The following MAST4 variants were observed in gnomAD, a reference collection of about 807,000 sequenced individuals.
MAST4 encodes microtubule associated serine/threonine kinase family member 4.
MAST4 carries 89 observed loss-of-function variants against 162.7 expected under a neutral mutation model. The ratio of observed to expected loss-of-function variants is 0.55; its 90% CI spans 0.46 to 0.65. MAST4 has a LOEUF of 0.65. Among genes scored for constraint, MAST4 ranks in the 30% least tolerant of loss-of-function variants. MAST4 has a pLI of 0.00. For synonymous variants in MAST4, 1,479 were observed against 1,361.1 expected (o/e 1.09, Z -1.91); for missense variants, 3,153 against 3,374.0 (o/e 0.93, Z 1.62).
chr5:66,990,620 C>T (rs554539570), intron 4 of MAST4, among the ~76,000 whole-genome samples: 1 of 152,150 alleles, frequency 6.6e-6, no homozygotes, highest in East Asian at 1.9e-4. Flanking sequence ...GCCTGGGAGA[C>T]AGAAGCCTTG....
At chr5:67,108,610 C>A (rs186970084) in intron 10 of MAST4, among the ~76,000 whole-genome samples, 62 of 152,232 alleles carry the variant, frequency 4.1e-4, no homozygotes, top group Admixed American at 1.1e-3. Flanking sequence ...TGAACACTTT[C>A]TGTTCTACGA....
chr5:67,024,523 T>C (rs1159770525), intron 4 of MAST4, among the ~76,000 whole-genome samples: 1 of 151,852 alleles, frequency 6.6e-6, no homozygotes, highest in Non-Finnish European at 1.5e-5. Flanking sequence ...CTTTCAAATC[T>C]ATTTTCTAGA....
intron 5 of MAST4, among the ~76,000 whole-genome samples, chr5:67,081,349 G>A (rs1293951230): frequency 6.6e-6 from 1 of 151,770 alleles, no homozygotes; most frequent in African/African-American, 2.4e-5. Flanking sequence ...TATTTGTTTG[G>A]TTTGAAAGGG....
intron 1 of MAST4, among the ~76,000 whole-genome samples, chr5:66,678,441 G>A (rs1168362211): frequency 6.6e-6 from 1 of 151,902 alleles, no homozygotes; most frequent in Non-Finnish European, 1.5e-5. Flanking sequence ...AGTGTGTGAG[G>A]CAAGTATGTT....
intron 1 of MAST4, among the ~76,000 whole-genome samples, chr5:66,670,348 T>C (rs1747529805): frequency 6.6e-6 from 1 of 152,176 alleles, no homozygotes; most frequent in African/African-American, 2.4e-5. Context: ...ATAATTAAAA[T>C]ATTTTAATTT....
At chr5:66,908,077 TG>T (rs1763505881) in intron 4 of MAST4, among the ~76,000 whole-genome samples, 1 of 152,158 alleles carries the variant, frequency 6.6e-6, no homozygotes, top group Non-Finnish European at 1.5e-5. Context: ...GCATTTAAAG[TG>T]GCATGTTTAC....
intron 5 of MAST4, among the ~76,000 whole-genome samples, chr5:67,066,647 T>C (rs1367300031): frequency 6.6e-6 from 1 of 152,174 alleles, no homozygotes; most frequent in African/African-American, 2.4e-5. Context: ...GTTCCCAGTA[T>C]TTTTGTTCTT....
rs549880100 is a variant in MAST4 at position 66,927,356 on chromosome 5, T to C, written c.674+27374T>C. ...GTTTCACTCAGTTGGTTTCTATTTC[T>C]ATATAAGCCTTTGACAGCTACATAT... is the stretch of plus-strand genomic sequence containing the variant. On this transcript the variant is annotated intron_variant, in intron 4 of 28. Transcript: ENST00000403625. Among the ~76,000 whole-genome samples the C allele has an allele frequency of 2.6e-5, 4 of 152,396 alleles. No individual in the cohort carries two copies. In the East Asian group the frequency reaches 7.7e-4, roughly 29 times the overall value.
chr5:66,941,180 A>G (rs1743324579), intron 4 of MAST4, among the ~76,000 whole-genome samples: 1 of 152,126 alleles, frequency 6.6e-6, no homozygotes, highest in Admixed American at 6.6e-5. Context: ...CAGAATGGTA[A>G]ATGAGCATTG....
intron 4 of MAST4, among the ~76,000 whole-genome samples, chr5:67,014,323 G>A (rs35849238): frequency 0.059 from 9,028 of 152,304 alleles, 368 homozygotes; most frequent in Non-Finnish European, 0.09. Flanking sequence ...CATTTCCATA[G>A]TAGGTCCCTA....
chr5:66,948,746 A>G (rs1317579557), intron 4 of MAST4, among the ~76,000 whole-genome samples: 1 of 152,190 alleles, frequency 6.6e-6, no homozygotes, highest in Non-Finnish European at 1.5e-5. Flanking sequence ...CCATCTGGAA[A>G]TAGTCTCCCA....
At chr5:66,761,435 T>C (rs1466440487) in intron 2 of MAST4, among the ~76,000 whole-genome samples, 2 of 152,202 alleles carry the variant, frequency 1.3e-5, no homozygotes, top group African/African-American at 4.8e-5. Flanking sequence ...TCAGAGTACT[T>C]TTTCCTCTAG....
At chr5:67,020,649 G>A (rs1395844575) in intron 4 of MAST4, among the ~76,000 whole-genome samples, 1 of 152,200 alleles carries the variant, frequency 6.6e-6, no homozygotes, top group Non-Finnish European at 1.5e-5. Flanking sequence ...TAGTAGAAAG[G>A]GTTTAGAGTT....
chr5:66,824,690 G>A (rs1203314535), intron 3 of MAST4, among the ~76,000 whole-genome samples: 1 of 152,198 alleles, frequency 6.6e-6, no homozygotes, highest in Non-Finnish European at 1.5e-5. Context: ...GTGTTGCTAG[G>A]TGATTTCATT....
intron 4 of MAST4, among the ~76,000 whole-genome samples, chr5:67,035,561 C>T (rs571121285): frequency 4.6e-5 from 7 of 152,278 alleles, no homozygotes; most frequent in African/African-American, 1.7e-4. Context: ...TCACTTCCTA[C>T]TCATCAGAGT....
chr5:66,909,293 G>C (rs537112151), intron 4 of MAST4, among the ~76,000 whole-genome samples: 1 of 152,292 alleles, frequency 6.6e-6, no homozygotes, highest in South Asian at 2.1e-4. Context: ...TTCTGGCTCA[G>C]TATTATTAGG....
intron 1 of MAST4, among the ~76,000 whole-genome samples, chr5:66,736,575 G>A (rs1447929709): frequency 1.3e-5 from 2 of 152,194 alleles, no homozygotes; most frequent in South Asian, 2.1e-4. Flanking sequence ...TCCTACTATG[G>A]CTATTTTACT....
chr5:66,966,169 A>G (rs1268492058), intron 4 of MAST4, among the ~76,000 whole-genome samples: 6 of 152,240 alleles, frequency 3.9e-5, no homozygotes, highest in Admixed American at 6.5e-5. Flanking sequence ...CTGAAAATGA[A>G]GTCTCAAATC....
chr5:66,630,779 A>G (rs1208252915), intron 1 of MAST4, among the ~76,000 whole-genome samples: 8 of 152,316 alleles, frequency 5.3e-5, no homozygotes, highest in African/African-American at 1.4e-4. Context: ...ACTTAAAAAT[A>G]AAGAAGTGGT....
Sources: gnomAD v4.1 joint callset for allele counts (sites outside exome capture counted in the v4.1 genomes callset) on GRCh38, gnomAD v4.1.1 for gene constraint, MANE v1.5 for transcripts, NCBI Gene and HGNC (gene_info 2026-07-23, HGNC 2026-07-21) for gene names.